The following FUT8 variants were observed in gnomAD, a reference collection of about 807,000 sequenced individuals.
FUT8 encodes the protein fucosyltransferase 8.
Under a neutral mutation model 71.3 loss-of-function variants are expected in FUT8, and 29 were observed. That is an observed-to-expected ratio of 0.41 (90% CI 0.30 to 0.55). The LOEUF (loss-of-function observed/expected upper bound fraction) is 0.55. FUT8 is among the 20% of genes least tolerant of loss of function. The pLI is 0.34. For missense variants in FUT8, 544 were observed against 702.1 expected (o/e 0.77, Z 2.55); for synonymous variants, 254 against 239.3 (o/e 1.06, Z -0.57).
chr14:65,439,952 G>GTACA (rs1425130774), intron 1 of FUT8, among the ~76,000 whole-genome samples: 6 of 38,222 alleles, frequency 1.6e-4, no homozygotes, highest in South Asian at 2.2e-3. Context: ...GTGTGTGTGT[G>GTACA]TGTATATATA....
At chr14:65,516,533 G>GT (rs541991311) in intron 2 of FUT8, 1 of 152,046 alleles carries the variant, frequency 6.6e-6, no homozygotes, top group African/African-American at 2.4e-5. Flanking sequence ...TATTTTTCAA[G>GT]TTTTTTTGGT....
intron 3 of FUT8, among the ~76,000 whole-genome samples, chr14:65,586,825 A>C (rs934739244): frequency 6.6e-6 from 1 of 152,190 alleles, no homozygotes; most frequent in Non-Finnish European, 1.5e-5. Flanking sequence ...AATTTTGTAA[A>C]AGCTTTTTAA....
In FUT8 at chr14:65,664,263, T is replaced by G. The variant is rs111475196; in HGVS notation, c.598-4980T>G. Among the ~76,000 whole-genome samples the G allele has an allele frequency of 1.7e-3, 264 of 152,270 alleles. 1 individual carries two copies. Among genetic ancestry groups the G allele is most frequent in the African/African-American group, 5.7e-3 (236 of 41,572 alleles). ...TTTGAATCAGTTCGAGAATATTATTTATTCCCAGGATCCTTATATAATATT... is the reference window on the plus strand; with the variant it reads ...TTTGAATCAGTTCGAGAATATTATTGATTCCCAGGATCCTTATATAATATT... On this transcript the variant is annotated intron_variant, in intron 6 of 10. Coordinates refer to ENST00000673929, the MANE Select transcript of FUT8 (RefSeq NM_001371533.1).
chr14:65,583,740 A>G (rs1010007809), intron 3 of FUT8, among the ~76,000 whole-genome samples: 4 of 152,146 alleles, frequency 2.6e-5, no homozygotes, highest in Non-Finnish European at 5.9e-5. Context: ...GAAAGTGCAT[A>G]GAAGCTGTGA....
chr14:65,732,673 T>G (rs1239845961), intron 9 of FUT8, among the ~76,000 whole-genome samples: 3 of 152,080 alleles, frequency 2.0e-5, no homozygotes, highest in Admixed American at 6.6e-5. Context: ...TAGGTAAGAG[T>G]AGATGGTTCT....
chr14:65,711,135 G>T (rs903817730), intron 7 of FUT8, among the ~76,000 whole-genome samples: 1 of 152,154 alleles, frequency 6.6e-6, no homozygotes, highest in Non-Finnish European at 1.5e-5. Flanking sequence ...GAGATTAGGA[G>T]GGGGCAAATG....
intron 7 of FUT8, among the ~76,000 whole-genome samples, chr14:65,678,657 C>T (rs965636458): frequency 2.0e-5 from 3 of 152,148 alleles, no homozygotes; most frequent in African/African-American, 7.2e-5. Context: ...CCCTGTGAAG[C>T]CTCTACTCTG....
intron 1 of FUT8, among the ~76,000 whole-genome samples, chr14:65,429,773 G>C (rs1356069442): frequency 6.7e-6 from 1 of 149,982 alleles, no homozygotes; most frequent in Admixed American, 6.7e-5. Flanking sequence ...TGAGTTGGGA[G>C]GATCACTTGA....
At chr14:65,464,952 G>T (rs1190931088) in intron 2 of FUT8, among the ~76,000 whole-genome samples, 1 of 152,094 alleles carries the variant, frequency 6.6e-6, no homozygotes, top group Non-Finnish European at 1.5e-5. Flanking sequence ...TCTTGAGTGT[G>T]GTGCTTTCTG....
At chr14:65,609,922 G>A (rs749501172) in intron 3 of FUT8, among the ~76,000 whole-genome samples, 14 of 151,358 alleles carry the variant, frequency 9.2e-5, no homozygotes, top group South Asian at 2.1e-4. Context: ...TTTATAAGTC[G>A]TGCCCATCTT....
chr14:65,592,335 T>A (rs1316121546), intron 3 of FUT8, among the ~76,000 whole-genome samples: 2 of 152,158 alleles, frequency 1.3e-5, no homozygotes, highest in East Asian at 3.9e-4. Flanking sequence ...TATTATCTAT[T>A]TTTTTTCCTT....
chr14:65,445,427 T>C (rs908259895), intron 1 of FUT8, among the ~76,000 whole-genome samples: 7 of 152,130 alleles, frequency 4.6e-5, no homozygotes, highest in African/African-American at 1.7e-4. Flanking sequence ...AGGTATTCTG[T>C]TATGGCAGCA....
intron 2 of FUT8, among the ~76,000 whole-genome samples, chr14:65,556,454 T>G (rs1052589959): frequency 2.8e-4 from 43 of 152,178 alleles, no homozygotes; most frequent in Non-Finnish European, 8.8e-5. Context: ...CTCAGCTCCT[T>G]TCCACATGGG....
the FUT8 span, among the ~76,000 whole-genome samples, chr14:65,403,251 C>A: frequency 1.3e-5 from 2 of 152,148 alleles, no homozygotes; most frequent in African/African-American, 4.8e-5. Context: ...GATGTAGATA[C>A]TATTATTATT....
At chr14:65,512,928 A>G (rs1882459391) in intron 2 of FUT8, among the ~76,000 whole-genome samples, 1 of 149,148 alleles carries the variant, frequency 6.7e-6, no homozygotes, top group Non-Finnish European at 1.5e-5. Context: ...AAAAAAAAGA[A>G]AAAGAAATTG....
chr14:65,729,034 G>GTTTTTTTTTTTTTTTTTTT (rs557668131), intron 9 of FUT8, among the ~76,000 whole-genome samples: 3 of 103,666 alleles, frequency 2.9e-5, no homozygotes, highest in Admixed American at 1.1e-4. Context: ...TTGTAAACAT[G>GTTTTTTTTTTTTTTTTTTT]TTTTTTTTTT....
chr14:65,507,901 C>T (rs914670231), intron 2 of FUT8, among the ~76,000 whole-genome samples: 1 of 152,090 alleles, frequency 6.6e-6, no homozygotes, highest in Non-Finnish European at 1.5e-5. Flanking sequence ...AGCAGTTGTA[C>T]TAATTTACAT....
chr14:65,570,744 G>A (rs964107865), intron 3 of FUT8, among the ~76,000 whole-genome samples: 2 of 152,072 alleles, frequency 1.3e-5, no homozygotes, highest in African/African-American at 4.8e-5. Context: ...AGTTTGTCGT[G>A]TTAAAGTGAA....
intron 1 of FUT8, among the ~76,000 whole-genome samples, chr14:65,425,488 T>A (rs1479891305): frequency 1.4e-5 from 2 of 144,308 alleles, no homozygotes; most frequent in African/African-American, 2.6e-5. Context: ...TTTTTTTTTT[T>A]AAACATGAAA....
Sources: gnomAD v4.1 joint callset for allele counts (sites outside exome capture counted in the v4.1 genomes callset) on GRCh38, gnomAD v4.1.1 for gene constraint, MANE v1.5 for transcripts, NCBI Gene and HGNC (gene_info 2026-07-23, HGNC 2026-07-21) for gene names.